Variants in PLA2R1 observed in about 807,000 individuals in gnomAD.
PLA2R1 encodes the protein secretory phospholipase A2 receptor.
Under a neutral mutation model 195.9 loss-of-function variants are expected in PLA2R1, and 158 were observed. The observed-to-expected ratio is 0.81, with a 90% CI of 0.71 to 0.92. The LOEUF is 0.92. Among genes scored for constraint, PLA2R1 ranks in the 40% least tolerant of loss-of-function variants. The pLI is 0.00. For synonymous variants in PLA2R1, 586 were observed against 598.2 expected (o/e 0.98, Z 0.30); for missense variants, 1,626 against 1,764.6 (o/e 0.92, Z 1.41).
chr2:160,019,185 A>G (rs1037900519), intron 8 of PLA2R1, among the ~76,000 whole-genome samples: 6 of 152,202 alleles, frequency 3.9e-5, no homozygotes, highest in African/African-American at 1.4e-4. Context: ...CCACATGAGG[A>G]AAAAAAGCAA....
rs760036374 is a variant in PLA2R1 at position 159,946,789 on chromosome 2, C to G, written c.3967+12G>C. The G allele has an allele frequency of 1.3e-6, 2 of 1,599,846 alleles. No homozygotes were observed. Among genetic ancestry groups the G allele is most frequent in the Admixed American group, 1.8e-5 (1 of 55,298 alleles). Reference sequence around the variant, plus strand: ...ATTTATTTATGTCCTCTCCTCTACCCAAATCACTTACTGTTACCATCAAAT... The same window carrying G: ...ATTTATTTATGTCCTCTCCTCTACCGAAATCACTTACTGTTACCATCAAAT... On this transcript the variant is annotated intron_variant, in intron 27 of 29. Coordinates refer to ENST00000283243, the MANE Select transcript of PLA2R1 (RefSeq NM_007366.5).
At chr2:160,045,242 G>T in intron 1 of PLA2R1, 85 bp from the exon 2 acceptor site, 1 of 1,031,480 alleles carries the variant, frequency 9.7e-7, no homozygotes, top group Non-Finnish European at 1.4e-6. Flanking sequence ...ATATCTAAGT[G>T]CGATATGCGA....
Position 160,005,732 on chromosome 2 carries a change from T to G in PLA2R1, c.1754A>C (p.Asp585Ala). ...TGGCTTCCAAGTGTATTCTCCCGTA[T>G]CATTTTGGTCCTGAAGAGCTATCCA... ...YFWIALQDQN[D>A]TGEYTWKPVG... Residue 585 changes from aspartate to alanine, a missense_variant, in exon 11 of 30, where the codon GAT becomes GCT. Transcript: ENST00000283243. 1 of 1,613,640 alleles carries G rather than the reference T, an allele frequency of 6.2e-7. No homozygotes were observed. Among genetic ancestry groups the G allele is most frequent in the Non-Finnish European group, 8.5e-7 (1 of 1,179,534 alleles).
downstream of PLA2R1, among the ~76,000 whole-genome samples, chr2:159,928,081 A>T (rs1185636431): frequency 6.6e-6 from 1 of 152,184 alleles, no homozygotes; most frequent in Non-Finnish European, 1.5e-5. Context: ...GATGACCATT[A>T]TGTCTCAGGC....
chr2:159,965,527 GTTTA>G (rs984892118), intron 20 of PLA2R1, among the ~76,000 whole-genome samples: 8 of 152,146 alleles, frequency 5.3e-5, no homozygotes, highest in South Asian at 2.1e-4. Context: ...GGTTGTACCA[GTTTA>G]TTTATTCACC....
chr2:160,042,682 C>T (rs1365612516), intron 2 of PLA2R1, among the ~76,000 whole-genome samples: 1 of 152,036 alleles, frequency 6.6e-6, no homozygotes, highest in East Asian at 1.9e-4. Flanking sequence ...TGTGGAACTT[C>T]TATCAAGGAG....
intron 10 of PLA2R1, 131 bp downstream of exon 10, chr2:160,013,132 T>G (rs868305615): frequency 2.3e-6 from 1 of 427,832 alleles, no homozygotes. Flanking sequence ...AATAAATAAC[T>G]TAAATAATTT....
intron 17 of PLA2R1, among the ~76,000 whole-genome samples, chr2:159,973,259 C>G (rs1166418450): frequency 6.6e-6 from 1 of 151,988 alleles, no homozygotes; most frequent in African/African-American, 2.4e-5. Flanking sequence ...TCACCACCAC[C>G]AACAATAAGT....
intron 1 of PLA2R1, among the ~76,000 whole-genome samples, chr2:160,051,497 C>T (rs968309555): frequency 6.6e-6 from 1 of 152,220 alleles, no homozygotes. Context: ...GGGAGGGCAT[C>T]TCTCCTCTGT....
intron 6 of PLA2R1, among the ~76,000 whole-genome samples, chr2:160,024,393 A>G (rs2105484618): frequency 6.6e-6 from 1 of 152,222 alleles, no homozygotes; most frequent in Non-Finnish European, 1.5e-5. Flanking sequence ...TCAGAGCCTG[A>G]GCTGGCTTAT....
At position 160,042,371 on chromosome 2, in the gene PLA2R1, T is replaced by A. The variant is rs1511222; in HGVS notation, c.494-173A>T. Among the ~76,000 whole-genome samples, 1,088 of 152,236 alleles carry A rather than the reference T, an allele frequency of 7.1e-3. 10 individuals are homozygous for A. The highest frequency in any genetic ancestry group is 0.012 in the Non-Finnish European group (802 of 68,022). ...TCTCCTGTCAGTAGAGGTGTGAGAC[T>A]GAGTGCTGGGCTCAGAGGAAGTGCT... On this transcript the variant is annotated intron_variant, in intron 2 of 29. Transcript: ENST00000283243.
chr2:160,042,936 T>G (rs1694636460), intron 2 of PLA2R1, among the ~76,000 whole-genome samples: 1 of 149,422 alleles, frequency 6.7e-6, no homozygotes, highest in East Asian at 2.0e-4. Flanking sequence ...TTGGACAGGA[T>G]GGGCAGTGAA....
Position 160,041,465 on chromosome 2 carries a change from G to A in PLA2R1, c.667+560C>T, listed in dbSNP as rs532073638. On this transcript the variant is annotated intron_variant, in intron 3 of 29. Coordinates refer to ENST00000283243, the MANE Select transcript of PLA2R1 (RefSeq NM_007366.5). The stretch of plus-strand genomic sequence containing the variant: ...AACTTTGAAAATCAAGTTAAGAAAA[G>A]AAAAAAAATGAGGTTATAGCCAGAA... 2.3e-3 allele frequency among the ~76,000 whole-genome samples: 353 copies of A among 151,904 alleles called. 1 individual carries two copies. Among genetic ancestry groups the A allele is most frequent in the Non-Finnish European group, 4.6e-3 (309 of 67,890 alleles).
At chr2:160,056,772 G>T (rs953306602) in intron 1 of PLA2R1, among the ~76,000 whole-genome samples, 1 of 152,048 alleles carries the variant, frequency 6.6e-6, no homozygotes, top group Non-Finnish European at 1.5e-5. Flanking sequence ...GACTGAACAT[G>T]GCACTTCTAA....
At chr2:160,052,485 T>C (rs1573982274) in intron 1 of PLA2R1, among the ~76,000 whole-genome samples, 1 of 152,268 alleles carries the variant, frequency 6.6e-6, no homozygotes, top group African/African-American at 2.4e-5. Context: ...TTCTTCCTTT[T>C]AGCTTTTAGT....
chr2:160,002,425 T>C (rs1206633678), intron 11 of PLA2R1, among the ~76,000 whole-genome samples: 2 of 152,030 alleles, frequency 1.3e-5, no homozygotes, highest in Non-Finnish European at 2.9e-5. Flanking sequence ...TATATAGTTC[T>C]GTAGAGAATA....
chr2:160,056,621 C>G (rs1334912795), intron 1 of PLA2R1, among the ~76,000 whole-genome samples: 1 of 152,142 alleles, frequency 6.6e-6, no homozygotes, highest in Admixed American at 6.5e-5. Context: ...TTTTTAAACC[C>G]TGTTTCTTGA....
chr2:159,925,411 TATAA>T, the PLA2R1 span, among the ~76,000 whole-genome samples: 1 of 152,192 alleles, frequency 6.6e-6, no homozygotes, highest in Non-Finnish European at 1.5e-5. Context: ...GGCTCTTATG[TATAA>T]ATAATCTTCT....
the PLA2R1 span, among the ~76,000 whole-genome samples, chr2:159,926,608 A>T: frequency 6.6e-6 from 1 of 152,186 alleles, no homozygotes. Flanking sequence ...CCAATATCAA[A>T]AGCATGTGGC....
Sources: allele counts gnomAD v4.1 joint callset (sites outside exome capture counted in the v4.1 genomes callset), GRCh38; gene constraint gnomAD v4.1.1; transcripts MANE v1.5; gene names NCBI Gene and HGNC (gene_info 2026-07-23, HGNC 2026-07-21).